The following DPH6 variants were observed in gnomAD, a reference collection of about 807,000 sequenced individuals.
The protein encoded by DPH6 is diphthamine biosynthesis 6.
DPH6 carries 33 observed loss-of-function variants against 38.2 expected under a neutral mutation model. The ratio of observed to expected loss-of-function variants is 0.86; its 90% CI spans 0.65 to 1.15. DPH6 has a LOEUF of 1.15. DPH6 is among the 50% of genes most tolerant of loss of function. DPH6 has a pLI of 0.00. For missense variants in DPH6, 325 were observed against 320.0 expected, an observed-to-expected ratio of 1.02 and a Z score of -0.12; for synonymous variants, 108 against 103.0, an observed-to-expected ratio of 1.05 and a Z score of -0.30.
intron 1 of DPH6, among the ~76,000 whole-genome samples, chr15:35,545,518 T>C (rs1235013476): frequency 1.3e-5 from 2 of 152,194 alleles, no homozygotes; most frequent in South Asian, 2.1e-4. Context: ...ATCTCTGTAC[T>C]TGAGTGCCCA....
At chr15:35,467,507 A>G (rs1029700542) in intron 3 of DPH6, among the ~76,000 whole-genome samples, 1 of 152,222 alleles carries the variant, frequency 6.6e-6, no homozygotes, top group Non-Finnish European at 1.5e-5. Context: ...CGGAGGTTGC[A>G]GTGAGCTGAG....
chr15:35,351,636 C>T (rs146006426), intron 3 of DPH6, among the ~76,000 whole-genome samples: 32 of 152,012 alleles, frequency 2.1e-4, no homozygotes, highest in African/African-American at 7.5e-4. Context: ...GTTTTAAGCT[C>T]ACAACCACTG....
At chr15:35,434,074 C>T (rs895161803) in intron 5 of DPH6, among the ~76,000 whole-genome samples, 1 of 152,182 alleles carries the variant, frequency 6.6e-6, no homozygotes, top group African/African-American at 2.4e-5. Flanking sequence ...TCCATCTCTA[C>T]TATCAGCTTA....
intron 5 of DPH6, among the ~76,000 whole-genome samples, chr15:35,433,478 G>A (rs563680951): frequency 3.3e-5 from 5 of 152,198 alleles, no homozygotes; most frequent in South Asian, 2.1e-4. Flanking sequence ...TAAAAATCCC[G>A]TTGAGTCTCT....
downstream of DPH6, among the ~76,000 whole-genome samples, chr15:35,329,268 C>T (rs1432988794): frequency 2.0e-5 from 3 of 152,080 alleles, no homozygotes; most frequent in Non-Finnish European, 4.4e-5. Context: ...TTATTATACA[C>T]AAATGTATCT....
chr15:35,336,920 G>A (rs2052377924), intron 3 of DPH6, among the ~76,000 whole-genome samples: 1 of 152,100 alleles, frequency 6.6e-6, no homozygotes, highest in East Asian at 1.9e-4. Flanking sequence ...TTTTGGTTGT[G>A]TCTCTGCCTG....
chr15:35,428,025 T>C (rs1245660219), intron 5 of DPH6, among the ~76,000 whole-genome samples: 1 of 151,874 alleles, frequency 6.6e-6, no homozygotes. Context: ...AGAAGGAAAG[T>C]AGACCAGGAG....
the DPH6 span, among the ~76,000 whole-genome samples, chr15:35,183,653 T>C: frequency 2.5e-4 from 38 of 152,360 alleles, no homozygotes; most frequent in Non-Finnish European, 4.3e-4. Context: ...TGTCATGTAA[T>C]ATCTAACATT....
chr15:35,172,793 G>C, the DPH6 span, among the ~76,000 whole-genome samples: 2 of 152,104 alleles, frequency 1.3e-5, no homozygotes, highest in African/African-American at 4.8e-5. Flanking sequence ...CTGGGCTCAA[G>C]CGATCCTCCT....
chr15:35,189,353 C>CCTTGCCTCA, the DPH6 span, among the ~76,000 whole-genome samples: 1 of 152,152 alleles, frequency 6.6e-6, no homozygotes, highest in Non-Finnish European at 1.5e-5. Context: ...CTTAGGCTTC[C>CCTTGCCTCA]ATTACATGCT....
intron 3 of DPH6, among the ~76,000 whole-genome samples, chr15:35,491,617 T>C (rs2054480156): frequency 6.6e-6 from 1 of 151,634 alleles, no homozygotes; most frequent in Non-Finnish European, 1.5e-5. Context: ...TATATATCGA[T>C]ATATAGATTT....
chr15:35,535,364 A>G (rs2055153365), intron 3 of DPH6, among the ~76,000 whole-genome samples: 1 of 152,194 alleles, frequency 6.6e-6, no homozygotes, highest in South Asian at 2.1e-4. Context: ...TGAGAGCAGA[A>G]TAGGAACATT....
At chr15:35,444,575 G>C (rs2053826542) in intron 5 of DPH6, among the ~76,000 whole-genome samples, 1 of 152,112 alleles carries the variant, frequency 6.6e-6, no homozygotes, top group Non-Finnish European at 1.5e-5. Flanking sequence ...TTGGCTACTA[G>C]AACTGCTGGC....
At chr15:35,494,705 ACTAT>A (rs1566930513) in intron 3 of DPH6, among the ~76,000 whole-genome samples, 2 of 152,030 alleles carry the variant, frequency 1.3e-5, no homozygotes, top group African/African-American at 4.8e-5. Context: ...CTATATCAAA[ACTAT>A]CAATCAATAC....
chr15:35,400,576 G>C (rs2053203947), intron 6 of DPH6: 1 of 363,644 alleles, frequency 2.7e-6, no homozygotes, highest in Non-Finnish European at 5.1e-6. Flanking sequence ...AAACACTGAA[G>C]AACCATTTGA....
chr15:35,336,434 T>C (rs1003062962), intron 3 of DPH6, among the ~76,000 whole-genome samples: 4 of 152,178 alleles, frequency 2.6e-5, no homozygotes, highest in Non-Finnish European at 5.9e-5. Flanking sequence ...CTTCCGTCAC[T>C]GATACCCTTT....
At chr15:35,179,443 A>G in the DPH6 span, among the ~76,000 whole-genome samples, 161 of 152,260 alleles carry the variant, frequency 1.1e-3, no homozygotes, top group African/African-American at 3.7e-3. Flanking sequence ...AGTCAAATAC[A>G]TTACAGTATA....
intron 3 of DPH6, among the ~76,000 whole-genome samples, chr15:35,364,451 TAC>T (rs1389944070): frequency 2.0e-5 from 3 of 152,084 alleles, no homozygotes; most frequent in Non-Finnish European, 4.4e-5. Flanking sequence ...AAAAAAAAAT[TAC>T]ACACAGCAAA....
chr15:35,192,283 G>C, the DPH6 span, among the ~76,000 whole-genome samples: 1 of 152,102 alleles, frequency 6.6e-6, no homozygotes, highest in Non-Finnish European at 1.5e-5. Flanking sequence ...GGGAATAATA[G>C]TACCTAACTC....
Sources: gnomAD v4.1 joint callset for allele counts (sites outside exome capture counted in the v4.1 genomes callset) on GRCh38, gnomAD v4.1.1 for gene constraint, MANE v1.5 for transcripts, NCBI Gene and HGNC (gene_info 2026-07-23, HGNC 2026-07-21) for gene names.